The following ZFAT variants were observed in gnomAD, a reference collection of about 807,000 sequenced individuals.
ZFAT encodes zinc finger protein ZFAT.
A neutral mutation model predicts 117.7 loss-of-function variants in ZFAT; 64 were observed. That is an observed-to-expected ratio of 0.54 (90% CI 0.44 to 0.67). The LOEUF (loss-of-function observed/expected upper bound fraction) is 0.67. Ranked by LOEUF, ZFAT falls within the 30% of genes least tolerant of loss-of-function variation. ZFAT has a pLI of 0.00. For synonymous variants in ZFAT, 679 were observed against 615.0 expected, an observed-to-expected ratio of 1.10 and a Z score of -1.54; for missense variants, 1,433 against 1,584.5, an observed-to-expected ratio of 0.90 and a Z score of 1.62.
the ZFAT span, among the ~76,000 whole-genome samples, chr8:134,772,809 T>G: frequency 5.3e-5 from 8 of 152,094 alleles, no homozygotes; most frequent in African/African-American, 1.4e-4. Flanking sequence ...ACCTGTAATC[T>G]CAGTGTTTTG....
intron 5 of ZFAT, among the ~76,000 whole-genome samples, chr8:134,604,739 G>A (rs769761293): frequency 2.0e-5 from 3 of 152,206 alleles, no homozygotes; most frequent in Non-Finnish European, 4.4e-5. Flanking sequence ...ATGGATTGCA[G>A]TCCATAAATA....
chr8:134,659,379 A>G (rs1199018903), intron 1 of ZFAT, among the ~76,000 whole-genome samples: 3 of 152,192 alleles, frequency 2.0e-5, no homozygotes, highest in African/African-American at 7.2e-5. Flanking sequence ...GGCCCACCCC[A>G]GAGCAGGGCT....
chr8:134,738,386 T>C, the ZFAT span, among the ~76,000 whole-genome samples: 4 of 152,216 alleles, frequency 2.6e-5, no homozygotes, highest in Non-Finnish European at 2.9e-5. Flanking sequence ...TAAAAGAAGA[T>C]GAGTAAGGGT....
At chr8:134,753,543 G>A in the ZFAT span, among the ~76,000 whole-genome samples, 36 of 152,302 alleles carry the variant, frequency 2.4e-4, 1 homozygote, top group South Asian at 6.0e-3. Flanking sequence ...ATCAGGAGAG[G>A]TATGTGTCCA....
intron 15 of ZFAT, among the ~76,000 whole-genome samples, chr8:134,481,514 A>G (rs924360961): frequency 6.6e-6 from 1 of 152,220 alleles, no homozygotes; most frequent in Admixed American, 6.5e-5. Flanking sequence ...GAAATTTTCC[A>G]CTGGCTAAAA....
At chr8:134,564,669 C>T (rs1824297173) in intron 11 of ZFAT, among the ~76,000 whole-genome samples, 1 of 152,202 alleles carries the variant, frequency 6.6e-6, no homozygotes, top group Admixed American at 6.5e-5. Context: ...GCCATGTGTG[C>T]CATGTTGCTG....
At chr8:134,602,996 T>A (rs549200263) in intron 5 of ZFAT, 63 bp from the exon 6 acceptor site, 1 of 1,539,802 alleles carries the variant, frequency 6.5e-7, no homozygotes, top group African/African-American at 1.4e-5. Flanking sequence ...GAACTCTACA[T>A]CCTTTTCATG....
intron 2 of ZFAT, among the ~76,000 whole-genome samples, chr8:134,642,148 G>A (rs981884751): frequency 3.3e-5 from 5 of 152,184 alleles, no homozygotes; most frequent in South Asian, 2.1e-4. Context: ...GTGGCTTGGC[G>A]CATCTTCCAG....
intron 9 of ZFAT, among the ~76,000 whole-genome samples, 197 bp downstream of exon 9, chr8:134,588,049 A>G (rs1319535814): frequency 6.6e-6 from 1 of 152,192 alleles, no homozygotes; most frequent in African/African-American, 2.4e-5. Context: ...GCACACCTCT[A>G]TTCATTGCAA....
intron 15 of ZFAT, among the ~76,000 whole-genome samples, chr8:134,483,969 C>A (rs1156765737): frequency 6.6e-6 from 1 of 152,238 alleles, no homozygotes; most frequent in Non-Finnish European, 1.5e-5. Flanking sequence ...TTTCTTCCTA[C>A]TCCCCTGCCT....
chr8:134,478,484 AG>A lies in ZFAT; in HGVS notation c.3729del (p.Ter1244ArgfsTer49). The A allele has an allele frequency of 6.4e-7, 1 of 1,563,258 alleles. No individual in the cohort carries two copies. Among genetic ancestry groups the A allele is most frequent in the Non-Finnish European group, 8.7e-7 (1 of 1,154,094 alleles). ...GGCCATCCGATGCCACATGTCCTCT[AG>A]AGTTCCTGGGCCGGCTGCTCCACAG... ...EQAVEQPAQE[L>X] On this transcript the variant is annotated frameshift_variant, in exon 16 of 16. Coordinates refer to ENST00000377838, the MANE Select transcript of ZFAT (RefSeq NM_020863.4). LOFTEE classifies it high-confidence loss of function. The surrounding 1 kb of genome is among the most constrained non-coding windows in gnomAD (Gnocchi z 5.2).
intron 2 of ZFAT, among the ~76,000 whole-genome samples, chr8:134,656,695 T>A (rs906596758): frequency 1.3e-5 from 2 of 152,206 alleles, no homozygotes; most frequent in African/African-American, 4.8e-5. Flanking sequence ...GCCAGTGGAT[T>A]ATTAGTGTGG....
At chr8:134,788,192 C>T in the ZFAT span, among the ~76,000 whole-genome samples, 3 of 152,084 alleles carry the variant, frequency 2.0e-5, no homozygotes, top group Non-Finnish European at 4.4e-5. Flanking sequence ...CGTTGCTCTT[C>T]TTTTTCCAGC....
At chr8:134,779,210 G>A in the ZFAT span, among the ~76,000 whole-genome samples, 2 of 151,624 alleles carry the variant, frequency 1.3e-5, no homozygotes, top group South Asian at 2.1e-4. Context: ...GCAGGACAGT[G>A]AGTCTCAACA....
the ZFAT span, among the ~76,000 whole-genome samples, chr8:134,778,640 T>A: frequency 6.6e-6 from 1 of 152,138 alleles, no homozygotes; most frequent in South Asian, 2.1e-4. Flanking sequence ...ATAAATTACC[T>A]ATTACAGTGT....
At chr8:134,485,918 G>C (rs4909605) in intron 15 of ZFAT, among the ~76,000 whole-genome samples, 55,714 of 152,068 alleles carry the variant, frequency 0.37, 10,279 homozygotes, top group African/African-American at 0.39. Context: ...TTTCAAAACA[G>C]GGTGCGAAGA....
At chr8:134,770,321 C>T in the ZFAT span, among the ~76,000 whole-genome samples, 25 of 152,250 alleles carry the variant, frequency 1.6e-4, no homozygotes, top group African/African-American at 5.1e-4. Context: ...GGCAGAAGAA[C>T]GTGGATTGTG....
At chr8:134,501,361 C>A (rs1042453702) in intron 15 of ZFAT, among the ~76,000 whole-genome samples, 7 of 152,032 alleles carry the variant, frequency 4.6e-5, no homozygotes, top group African/African-American at 1.7e-4. Context: ...ACAGAGGCTG[C>A]AAGGATGGAG....
At chr8:134,708,368 T>A (rs1346652914) in intron 1 of ZFAT, among the ~76,000 whole-genome samples, 1 of 152,226 alleles carries the variant, frequency 6.6e-6, no homozygotes, top group African/African-American at 2.4e-5. Context: ...CTGATGGATA[T>A]GTTAATTAGC....
Sources: gnomAD v4.1 joint callset for allele counts (sites outside exome capture counted in the v4.1 genomes callset) on GRCh38, gnomAD v4.1.1 for gene constraint, Gnocchi (gnomAD v3.1) non-coding constraint, MANE v1.5 for transcripts, NCBI Gene and HGNC (gene_info 2026-07-23, HGNC 2026-07-21) for gene names.